The following NRL variants were observed in gnomAD, a reference collection of about 807,000 sequenced individuals.
NRL encodes the protein neural retina leucine zipper.
NRL carries 16 observed loss-of-function variants against 12.5 expected under a neutral mutation model. That is an observed-to-expected ratio of 1.28 (90% CI 0.87 to 1.95). The LOEUF is 1.95. NRL is among the 30% of genes most tolerant of loss of function. The pLI is 0.00. For missense variants in NRL, 314 were observed against 325.8 expected (o/e 0.96, Z 0.28); for synonymous variants, 142 against 150.9 (o/e 0.94, Z 0.43).
At chr14:24,082,934 C>T (rs2036366040) in intron 1 of NRL, 59 bp from the exon 2 acceptor site, 2 of 1,496,656 alleles carry the variant, frequency 1.3e-6, no homozygotes, top group Non-Finnish European at 1.8e-6. Context: ...CCCTCTTCAC[C>T]AAGTCCCTCT....
At chr14:24,103,052 G>C (rs2037227650) in intron 1 of NRL, 5 of 1,184,292 alleles carry the variant, frequency 4.2e-6, no homozygotes, top group Non-Finnish European at 6.2e-6. Context: ...TCTGAAAATG[G>C]GATAGCCGAG....
At chr14:24,109,411 T>G (rs767810138) in intron 1 of NRL, among the ~76,000 whole-genome samples, 4 of 152,160 alleles carry the variant, frequency 2.6e-5, no homozygotes, top group Non-Finnish European at 5.9e-5. Context: ...ATCTTTTATA[T>G]GCTGCCAGGC....
At chr14:24,100,302 C>A in intron 1 of NRL, 1 of 1,548,042 alleles carries the variant, frequency 6.5e-7, no homozygotes, top group South Asian at 1.3e-5. Context: ...CAACCATCTT[C>A]TAGGACTGCC....
chr14:24,103,982 G>C (rs747287203), intron 1 of NRL: 2 of 1,592,276 alleles, frequency 1.3e-6, no homozygotes, highest in Non-Finnish European at 8.6e-7. Flanking sequence ...CCCTAGTCTA[G>C]CAAGAGGACA....
chr14:24,098,299 T>C lies in NRL; in HGVS notation c.-27-15424A>G, dbSNP rs2229661. On this transcript the variant is annotated intron_variant, in intron 1 of 2. Coordinates refer to ENST00000561028, the MANE Select transcript of NRL (RefSeq NM_001354768.3). ...AGCGGGACACGGTACCACTCCCGCC[T>C]GGTGGGGCCCGTGGGCAGCTGGGCA... 0.013 allele frequency: 21,600 copies of C among 1,614,018 alleles called. 1,216 individuals are homozygous for C. The East Asian group carries it at 0.2, about 15-fold the overall frequency.
chr14:24,103,694 T>C (rs2037262842), intron 1 of NRL: 2 of 1,614,136 alleles, frequency 1.2e-6, no homozygotes, highest in Non-Finnish European at 8.5e-7. Context: ...TTGGGGAGAA[T>C]GCTCGGGTGC....
chr14:24,098,120 T>G, intron 1 of NRL: 3 of 1,157,850 alleles, frequency 2.6e-6, no homozygotes, highest in Admixed American at 2.5e-5. Flanking sequence ...AGACCTGGAG[T>G]CAAAGTTGGA....
chr14:24,081,253 A>G lies in NRL; in HGVS notation c.697T>C (p.Ser233Pro). The change falls in exon 3 of 3, where the codon TCC becomes CCC. Residue 233 changes from serine to proline, a missense_variant. Physicochemically the swap from Ser to Pro is moderately conservative, Grantham distance 74. Transcript: ENST00000561028. This position sits in a 1 kb window ranked among gnomAD's most constrained non-coding sequence, Gnocchi z 4.4. ...TSSGPGSGDP[S>P]HLFL Reference sequence around the variant, plus strand: ...TGAACGGCTCAGAGGAAGAGGTGGGAGGGGTCCCCGGACCCGGGGCCGCTC... The same window carrying G: ...TGAACGGCTCAGAGGAAGAGGTGGGGGGGGTCCCCGGACCCGGGGCCGCTC... 6.6e-7 allele frequency: 1 copy of G among 1,506,308 alleles called. No homozygotes were observed. Among genetic ancestry groups the G allele is most frequent in the Non-Finnish European group, 8.9e-7 (1 of 1,126,044 alleles). The allele number at this position is 1,506,308 out of a possible 1,614,324, so 93.3% of individuals were successfully genotyped here. A position where few individuals can be genotyped will look rare whatever the true frequency, so the allele number is the denominator to read the frequency against.
intron 1 of NRL, among the ~76,000 whole-genome samples, chr14:24,089,542 C>T (rs2036559265): frequency 6.6e-6 from 1 of 152,214 alleles, no homozygotes; most frequent in African/African-American, 2.4e-5. Flanking sequence ...CCACCACACC[C>T]AGCCCATTTT....
rs1191182273 is a variant in NRL at position 24,094,434 on chromosome 14, G to T, written c.-27-11559C>A. 2.6e-6 allele frequency: 4 copies of T among 1,548,564 alleles called. No individual in the cohort carries two copies. The South Asian group carries it at 3.6e-5, about 14-fold the overall frequency. ...GCCGCATTGTACCGCCCTGGCCTGC[G>T]GTGAGTGACCCCCGGCCCGGGGCCC... On this transcript the variant is annotated intron_variant, in intron 1 of 2. Transcript: ENST00000561028. This position sits in a 1 kb window ranked among gnomAD's most constrained non-coding sequence, Gnocchi z 4.1.
chr14:24,081,323 G>C lies in NRL; in HGVS notation c.627C>G (p.Ala209=), dbSNP rs1174607016. 76 of 1,479,014 alleles carry C rather than the reference G, an allele frequency of 5.1e-5. No individual in the cohort carries two copies. Among genetic ancestry groups the C allele is most frequent in the Non-Finnish European group, 6.6e-5 (74 of 1,113,474 alleles). 91.6% of individuals were successfully genotyped at this position (1,479,014 alleles called of 1,614,324 possible). A position where few individuals can be genotyped will look rare whatever the true frequency, so the allele number is the denominator to read the frequency against. The part of the protein sequence containing the change: ...DALRAEVARL[A]RERDLYKARC... ...GAGCCTTGTAGAGATCGCGCTCCCG[G>C]GCCAGGCGGGCCACCTCGGCCCGCA... Residue 209 remains alanine, a synonymous_variant, in exon 3 of 3, where the codon GCC becomes GCG. Coordinates refer to ENST00000561028, the MANE Select transcript of NRL (RefSeq NM_001354768.3). This position sits in a 1 kb window ranked among gnomAD's most constrained non-coding sequence, Gnocchi z 4.4.
At position 24,082,600 on chromosome 14, in the gene NRL, C is replaced by G. The variant is rs771308017; in HGVS notation, c.249G>C (p.Gly83=). 1 of 1,613,878 alleles carries G rather than the reference C, an allele frequency of 6.2e-7. No individual in the cohort carries two copies. The highest frequency in any genetic ancestry group is 1.7e-5 in the Admixed American group (1 of 60,028). ...GACTCAGCCCCAATGCCTCCCCAGC[C>G]CCCAGCTGCTGCTGCAGGGTAGCCA... The part of the protein sequence containing the change: ...YWLATLQQQL[G]AGEALGLSPE... Residue 83 remains glycine (G), a synonymous_variant, in exon 2 of 3, where the codon GGG becomes GGC. Transcript: ENST00000561028.
chr14:24,096,732 T>C (rs1397882894), intron 1 of NRL, among the ~76,000 whole-genome samples: 1 of 152,130 alleles, frequency 6.6e-6, no homozygotes, highest in African/African-American at 2.4e-5. Context: ...GATACATGTG[T>C]CCTGAACACA....
At position 24,100,424 on chromosome 14, in the gene NRL, T is replaced by A; in HGVS notation, c.-28+14298A>T. 4 of 1,114,422 alleles carry A rather than the reference T, an allele frequency of 3.6e-6. No individual in the cohort carries two copies. The Middle Eastern group carries it at 8.3e-4, about 232-fold the overall frequency. 69.0% of individuals were successfully genotyped at this position (1,114,422 alleles called of 1,614,324 possible). A position where few individuals can be genotyped will look rare whatever the true frequency, so the allele number is the denominator to read the frequency against. Reference sequence around the variant, plus strand: ...TGTGATCTGGCTAAGTTGCTCAACTTCCCTAAGCTTTAGTTTCCACATCAG... The same window carrying A: ...TGTGATCTGGCTAAGTTGCTCAACTACCCTAAGCTTTAGTTTCCACATCAG... On this transcript the variant is annotated intron_variant, in intron 1 of 2. Transcript: ENST00000561028.
chr14:24,113,664 C>T (rs940565668), intron 1 of NRL, among the ~76,000 whole-genome samples: 4 of 152,228 alleles, frequency 2.6e-5, no homozygotes, highest in Non-Finnish European at 4.4e-5. Context: ...ACCAAACATT[C>T]AGGACCCTTC....
At chr14:24,096,541 C>T (rs1594287459) in intron 1 of NRL, among the ~76,000 whole-genome samples, 1 of 152,226 alleles carries the variant, frequency 6.6e-6, no homozygotes, top group Middle Eastern at 3.4e-3. Context: ...AGCCATCTCC[C>T]TACTTATTTC....
chr14:24,088,803 ATT>A (rs756699961), intron 1 of NRL, among the ~76,000 whole-genome samples: 2,508 of 106,340 alleles, frequency 0.024, 65 homozygotes, highest in African/African-American at 0.081. Flanking sequence ...TGCCTGGCTA[ATT>A]TTTTTTTTTT....
intron 1 of NRL, among the ~76,000 whole-genome samples, chr14:24,083,092 G>A (rs1255143862): frequency 1.3e-5 from 2 of 152,234 alleles, no homozygotes; most frequent in African/African-American, 4.8e-5. Flanking sequence ...CTGAATTCCT[G>A]AAGGAGGAAG....
In NRL at chr14:24,094,285, T is replaced by G; in HGVS notation, c.-27-11410A>C. 5 of 989,940 alleles carry G rather than the reference T, an allele frequency of 5.1e-6. No individual in the cohort carries two copies. Among genetic ancestry groups the G allele is most frequent in the Non-Finnish European group, 6.0e-6 (4 of 668,918 alleles). The allele number at this position is 989,940 out of a possible 1,614,324, so 61.3% of individuals were successfully genotyped here. A position where few individuals can be genotyped will look rare whatever the true frequency, so the allele number is the denominator to read the frequency against. Reference sequence around the variant, plus strand: ...GCCCCCGCGCCTGCCCCCCTCCTTTTTAAGCGCCTCCCGCCAGCCTCTGCT... The same window carrying G: ...GCCCCCGCGCCTGCCCCCCTCCTTTGTAAGCGCCTCCCGCCAGCCTCTGCT... On this transcript the variant is annotated intron_variant, in intron 1 of 2. Transcript: ENST00000561028. The surrounding 1 kb of genome is among the most constrained non-coding windows in gnomAD (Gnocchi z 4.1).
Sources: gnomAD v4.1 joint callset for allele counts (sites outside exome capture counted in the v4.1 genomes callset) on GRCh38, gnomAD v4.1.1 for gene constraint, Gnocchi (gnomAD v3.1) non-coding constraint, MANE v1.5 for transcripts, NCBI Gene and HGNC (gene_info 2026-07-23, HGNC 2026-07-21) for gene names.